The following NLGN4X variants were observed in gnomAD, a reference collection of about 807,000 sequenced individuals.
NLGN4X encodes neuroligin-4, X-linked.
Under a neutral mutation model 40.3 loss-of-function variants are expected in NLGN4X, and 3 were observed. The observed-to-expected ratio is 0.07, with a 90% CI of 0.03 to 0.19. The LOEUF is 0.19. Among genes scored for constraint, NLGN4X ranks in the 10% least tolerant of loss-of-function variants. The probability of loss-of-function intolerance (pLI) is 1.00; values close to 1 mark genes in which losing one functional copy is unlikely to be tolerated. For missense variants in NLGN4X, 382 were observed against 708.3 expected (o/e 0.54, Z 5.23); for synonymous variants, 270 against 306.8 (o/e 0.88, Z 1.25).
At chrX:5,939,291 G>C (rs189800861) in intron 3 of NLGN4X, among the ~76,000 whole-genome samples, 1 of 110,704 alleles carries the variant, frequency 9.0e-6, no homozygotes, top group African/African-American at 3.3e-5. Flanking sequence ...TATAATAAAT[G>C]TCTAAATGCT....
At chrX:6,177,449 A>G (rs934834639) in intron 1 of NLGN4X, among the ~76,000 whole-genome samples, 1 of 112,231 alleles carries the variant, frequency 8.9e-6, no homozygotes, top group African/African-American at 3.2e-5. Flanking sequence ...TACAGGCGTG[A>G]GCCACTGCGC....
intron 3 of NLGN4X, among the ~76,000 whole-genome samples, chrX:5,969,737 C>G (rs757525359): frequency 9.1e-6 from 1 of 109,913 alleles, no homozygotes; most frequent in Admixed American, 9.8e-5. Context: ...ATGTTTATTG[C>G]GTCACTATTC....
At chrX:5,907,748 A>G (rs1048709784) in intron 4 of NLGN4X, among the ~76,000 whole-genome samples, 2 of 109,477 alleles carry the variant, frequency 1.8e-5, no homozygotes, top group Admixed American at 9.8e-5. Flanking sequence ...CGTGAAAGTC[A>G]TATTTGCAGG....
chrX:5,950,238 T>C (rs904938451), intron 3 of NLGN4X, among the ~76,000 whole-genome samples: 18 of 112,083 alleles, frequency 1.6e-4, no homozygotes, highest in African/African-American at 5.8e-4. Flanking sequence ...GCACATAAAA[T>C]GTGGCTTGTT....
chrX:6,001,208 G>T (rs1269204189), intron 3 of NLGN4X, among the ~76,000 whole-genome samples: 1 of 111,479 alleles, frequency 9.0e-6, no homozygotes, highest in African/African-American at 3.3e-5. Context: ...GGGAACTACA[G>T]TTCAAGATGA....
At chrX:5,966,756 A>G (rs1197892497) in intron 3 of NLGN4X, among the ~76,000 whole-genome samples, 1 of 86,464 alleles carries the variant, frequency 1.2e-5, no homozygotes, top group African/African-American at 3.9e-5. Context: ...TGAGTAGAAG[A>G]TAGGTCATTT....
In NLGN4X at chrX:6,020,431, T is replaced by C. The variant is rs1465434512; in HGVS notation, c.625+8849A>G. 2.7e-5 allele frequency among the ~76,000 whole-genome samples: 3 copies of C among 112,046 alleles called. No individual in the cohort carries two copies. In the East Asian group the frequency reaches 8.5e-4, roughly 32 times the overall value. ...GCTTACAGAAGCAGAGAGTAGAATGTTCTCTTACAGAACTTGAAGCTGGAG... is the reference window on the plus strand; with the variant it reads ...GCTTACAGAAGCAGAGAGTAGAATGCTCTCTTACAGAACTTGAAGCTGGAG... On this transcript the variant is annotated intron_variant, in intron 3 of 5. Transcript: ENST00000381095.
intron 2 of NLGN4X, among the ~76,000 whole-genome samples, chrX:6,117,917 G>A (rs1024421291): frequency 1.8e-5 from 2 of 111,238 alleles, no homozygotes; most frequent in African/African-American, 6.6e-5. Flanking sequence ...GAGAAGTGGG[G>A]CTGATGATAG....
At chrX:6,033,325 A>G (rs1424479327) in intron 2 of NLGN4X, among the ~76,000 whole-genome samples, 7 of 111,929 alleles carry the variant, frequency 6.3e-5, no homozygotes, top group African/African-American at 2.3e-4. Context: ...GCAATCTCAA[A>G]AAGTCAGAAT....
intron 1 of NLGN4X, among the ~76,000 whole-genome samples, chrX:6,191,509 G>A (rs1289792119): frequency 8.9e-6 from 1 of 111,960 alleles, no homozygotes; most frequent in Non-Finnish European, 1.9e-5. Context: ...GAGGTCAGGA[G>A]TTCGAGACCA....
chrX:6,149,799 A>G (rs2040126377), intron 2 of NLGN4X, among the ~76,000 whole-genome samples: 1 of 111,598 alleles, frequency 9.0e-6, no homozygotes, highest in African/African-American at 3.3e-5. Context: ...CAACCCTGGT[A>G]TGGTTTTTCA....
At chrX:5,968,012 C>A in intron 3 of NLGN4X, among the ~76,000 whole-genome samples, 1 of 111,591 alleles carries the variant, frequency 9.0e-6, no homozygotes. Context: ...TGCTTACCTG[C>A]AGATTGCAGA....
chrX:6,195,944 C>T (rs1923002615), intron 1 of NLGN4X, among the ~76,000 whole-genome samples: 1 of 110,472 alleles, frequency 9.1e-6, no homozygotes, highest in African/African-American at 3.3e-5. Flanking sequence ...GTGGATGCCT[C>T]GAAACCTGGC....
At chrX:5,928,818 T>C (rs1313996043) in intron 3 of NLGN4X, among the ~76,000 whole-genome samples, 11 of 109,499 alleles carry the variant, frequency 1.0e-4, no homozygotes. Flanking sequence ...AGCCCTGTCA[T>C]ACAGTTATAG....
intron 2 of NLGN4X, among the ~76,000 whole-genome samples, chrX:6,042,730 T>TATATACACACAC (rs1215396694): frequency 2.3e-3 from 46 of 20,152 alleles, no homozygotes; most frequent in East Asian, 3.6e-3. Context: ...TATATATATA[T>TATATACACACAC]ACACACACAC....
intron 3 of NLGN4X, among the ~76,000 whole-genome samples, chrX:6,018,237 G>A (rs779165573): frequency 9.0e-6 from 1 of 110,756 alleles, no homozygotes; most frequent in Admixed American, 9.6e-5. Flanking sequence ...ACATATATGC[G>A]CTATATATGT....
At chrX:6,190,313 G>A (rs1176867874) in intron 1 of NLGN4X, among the ~76,000 whole-genome samples, 2 of 111,899 alleles carry the variant, frequency 1.8e-5, no homozygotes, top group East Asian at 5.6e-4. Flanking sequence ...GAAAGCCATG[G>A]ATAGGAAAAT....
rs768517214 is a variant in NLGN4X, at chrX:5,890,719, G to A, written c.*2098C>T. 7 of 310,013 alleles carry A rather than the reference G, an allele frequency of 2.3e-5. No individual in the cohort carries two copies. Among genetic ancestry groups the A allele is most frequent in the Admixed American group, 1.0e-4 (3 of 29,155 alleles). The allele number at this position is 310,013 out of a possible 1,213,427, so 25.5% of individuals were successfully genotyped here. A position where few individuals can be genotyped will look rare whatever the true frequency, so the allele number is the denominator to read the frequency against. On this transcript the variant is annotated 3_prime_UTR_variant, in exon 6 of 6. Coordinates refer to ENST00000381095, the MANE Select transcript of NLGN4X (RefSeq NM_181332.3). ...CTGTAGGAAAGAAATGTTGCTTCAC[G>A]TGTGCTAAGTTGAGATAATAATATT...
chrX:5,896,990 G>A (rs976502498), intron 5 of NLGN4X, among the ~76,000 whole-genome samples: 3 of 111,391 alleles, frequency 2.7e-5, no homozygotes, highest in Non-Finnish European at 5.6e-5. Context: ...ATAGTTGAAC[G>A]TAAATTAATC....
Sources: allele counts gnomAD v4.1 joint callset (sites outside exome capture counted in the v4.1 genomes callset), GRCh38; gene constraint gnomAD v4.1.1; transcripts MANE v1.5; gene names NCBI Gene and HGNC (gene_info 2026-07-23, HGNC 2026-07-21).